NHSL1: variants seen among roughly 807,000 people sequenced by gnomAD.
NHSL1 encodes the protein NHS-like protein 1.
In NHSL1, 48 loss-of-function variants were observed where a neutral mutation model predicts 95.0. The ratio of observed to expected loss-of-function variants is 0.51; its 90% CI spans 0.40 to 0.64. The LOEUF (loss-of-function observed/expected upper bound fraction) is 0.64, where lower values mean the gene tolerates loss of function less well. NHSL1 is among the 30% of genes least tolerant of loss of function. The probability of loss-of-function intolerance (pLI) is 0.00; values close to 1 mark genes in which losing one functional copy is unlikely to be tolerated. For missense variants in NHSL1, 1,971 were observed against 2,077.7 expected (o/e 0.95, Z 1.00); for synonymous variants, 783 against 833.9 (o/e 0.94, Z 1.05).
intron 1 of NHSL1, among the ~76,000 whole-genome samples, chr6:138,664,538 G>T (rs1284341210): frequency 6.6e-6 from 1 of 152,192 alleles, no homozygotes; most frequent in East Asian, 1.9e-4. Flanking sequence ...AGGAATCAAG[G>T]ATGGAGCTAA....
chr6:138,599,429 C>T (rs891106235), intron 1 of NHSL1, among the ~76,000 whole-genome samples: 2 of 151,858 alleles, frequency 1.3e-5, no homozygotes, highest in Non-Finnish European at 2.9e-5. Flanking sequence ...GGAGAATCAC[C>T]TGAATGCAGG....
intron 1 of NHSL1, among the ~76,000 whole-genome samples, chr6:138,631,817 C>T (rs1784823440): frequency 6.6e-6 from 1 of 152,102 alleles, no homozygotes; most frequent in Admixed American, 6.5e-5. Context: ...GGGCAAGGCT[C>T]CTTCTGCTTG....
At chr6:138,660,625 A>G (rs1447297063) in intron 1 of NHSL1, among the ~76,000 whole-genome samples, 2 of 151,172 alleles carry the variant, frequency 1.3e-5, no homozygotes, top group African/African-American at 2.4e-5. Flanking sequence ...TGGGCAACAG[A>G]GCAAGACTCC....
chr6:138,630,616 C>A (rs1001020137), intron 1 of NHSL1, among the ~76,000 whole-genome samples: 1 of 152,176 alleles, frequency 6.6e-6, no homozygotes, highest in Non-Finnish European at 1.5e-5. Context: ...AACTCCCAAC[C>A]TCAGGTGATC....
intron 1 of NHSL1, among the ~76,000 whole-genome samples, chr6:138,561,344 G>T (rs563188074): frequency 1.3e-5 from 2 of 152,146 alleles, no homozygotes; most frequent in Admixed American, 6.6e-5. Flanking sequence ...GTATGGGAGT[G>T]ATGATCTCTT....
Position 138,422,684 on chromosome 6 carries a change from C to T in NHSL1, c.*1397G>A, listed in dbSNP as rs1774992826. 1 of 152,166 alleles carries T rather than the reference C, an allele frequency of 6.6e-6. No homozygotes were observed. Among genetic ancestry groups the T allele is most frequent in the South Asian group, 2.1e-4 (1 of 4,830 alleles). The allele number at this position is 152,166 out of a possible 1,614,324, so 9.4% of individuals were successfully genotyped here. On this transcript the variant is annotated 3_prime_UTR_variant, in exon 8 of 8. Transcript: ENST00000343505. ...TTATTACATTAAAATAAAGACTTCA[C>T]ACACGTGTGTCCCATGTCTAAAATT...
intron 5 of NHSL1, among the ~76,000 whole-genome samples, chr6:138,434,834 T>C (rs1450728599): frequency 1.3e-5 from 2 of 152,126 alleles, no homozygotes; most frequent in Non-Finnish European, 1.5e-5. Context: ...GGACTGGATA[T>C]AGGATGCCTT....
chr6:138,452,098 T>A (rs1423442906), intron 3 of NHSL1, among the ~76,000 whole-genome samples: 2 of 152,168 alleles, frequency 1.3e-5, no homozygotes, highest in Non-Finnish European at 2.9e-5. Context: ...TTGGGATCTG[T>A]CAGTTGGTCA....
chr6:138,487,346 G>T (rs113483803), intron 2 of NHSL1, among the ~76,000 whole-genome samples: 7 of 152,164 alleles, frequency 4.6e-5, no homozygotes, highest in Non-Finnish European at 8.8e-5. Context: ...TAATACCACC[G>T]CTATGAACCT....
upstream of NHSL1, among the ~76,000 whole-genome samples, chr6:138,574,602 G>A (rs1024075730): frequency 6.7e-6 from 1 of 149,174 alleles, no homozygotes; most frequent in East Asian, 2.0e-4. Context: ...CAAGGTAGAT[G>A]AATCGTTTGA....
intron 1 of NHSL1, among the ~76,000 whole-genome samples, chr6:138,634,819 CAA>C (rs200261699): frequency 3.0e-5 from 4 of 132,530 alleles, no homozygotes; most frequent in Admixed American, 7.5e-5. Context: ...CTAAAACATT[CAA>C]AAAAAAAAAA....
At chr6:138,502,207 T>G (rs550142972), upstream of NHSL1, among the ~76,000 whole-genome samples, 4 of 152,320 alleles carry the variant, frequency 2.6e-5, no homozygotes, top group South Asian at 8.3e-4. Flanking sequence ...TCACATTTCT[T>G]GCGTTCTATA....
chr6:138,545,621 A>G lies in NHSL1; in HGVS notation c.16+2T>C. On this transcript the variant is annotated splice_donor_variant, in intron 1 of 4. Transcript: ENST00000342260. LOFTEE classifies it high-confidence loss of function. ...ACCCAAATGGACACGAAGTCCCCTC[A>G]CCTTTCAGACAGAACATTCTGCAGC... 4.7e-6 allele frequency: 6 copies of G among 1,289,164 alleles called. No homozygotes were observed. The highest frequency in any genetic ancestry group is 6.1e-6 in the Non-Finnish European group (6 of 988,732). The allele number at this position is 1,289,164 out of a possible 1,614,324, so 79.9% of individuals were successfully genotyped here.
At chr6:138,614,237 C>T (rs1167724943) in intron 1 of NHSL1, among the ~76,000 whole-genome samples, 2 of 152,204 alleles carry the variant, frequency 1.3e-5, no homozygotes, top group East Asian at 3.8e-4. Flanking sequence ...TCACCATTTG[C>T]TCTCTGACCT....
At chr6:138,473,566 A>G (rs1194178406) in intron 2 of NHSL1, 133 bp from the exon 3 acceptor site, 1 of 1,051,424 alleles carries the variant, frequency 9.5e-7, no homozygotes, top group African/African-American at 1.6e-5. Flanking sequence ...TTTTAAAATA[A>G]TGATAAAAAC....
chr6:138,492,008 C>A (rs955767308), intron 2 of NHSL1, among the ~76,000 whole-genome samples: 2 of 152,168 alleles, frequency 1.3e-5, no homozygotes, highest in African/African-American at 4.8e-5. Flanking sequence ...TTACCTAAAT[C>A]TCCAGTAACA....
chr6:138,675,524 ATTATTTAT>A (rs573613191), intron 1 of NHSL1, among the ~76,000 whole-genome samples: 9 of 151,854 alleles, frequency 5.9e-5, no homozygotes, highest in Admixed American at 2.6e-4. Context: ...AAATTCTTAC[ATTATTTAT>A]TTATTTATTT....
intron 1 of NHSL1, among the ~76,000 whole-genome samples, chr6:138,661,495 CAA>C (rs111293449): frequency 0.03 from 3,543 of 118,034 alleles, 138 homozygotes; most frequent in African/African-American, 0.1. Context: ...CCCCCCGTCT[CAA>C]AAAAAAAAAA....
chr6:138,436,662 CT>C (rs1438875636), intron 5 of NHSL1, among the ~76,000 whole-genome samples: 2 of 152,220 alleles, frequency 1.3e-5, no homozygotes, highest in African/African-American at 4.8e-5. Context: ...AAACGACCTT[CT>C]AGTGGAAGAT....
Sources: gnomAD v4.1 joint callset for allele counts (sites outside exome capture counted in the v4.1 genomes callset) on GRCh38, gnomAD v4.1.1 for gene constraint, MANE v1.5 for transcripts, NCBI Gene and HGNC (gene_info 2026-07-23, HGNC 2026-07-21) for gene names.